The following TNK2 variants were observed in gnomAD, a reference collection of about 807,000 sequenced individuals.
TNK2 encodes the protein tyrosine kinase non receptor 2.
A neutral mutation model predicts 101.8 loss-of-function variants in TNK2; 83 were observed. The observed-to-expected ratio is 0.82, with a 90% CI of 0.68 to 0.98. TNK2 has a LOEUF of 0.98. Among genes scored for constraint, TNK2 ranks in the 50% least tolerant of loss-of-function variants. TNK2 has a pLI of 0.00. For synonymous variants in TNK2, 804 were observed against 633.0 expected, an observed-to-expected ratio of 1.27 and a Z score of -4.06; for missense variants, 1,665 against 1,483.2, an observed-to-expected ratio of 1.12 and a Z score of -2.01.
intron 1 of TNK2, among the ~76,000 whole-genome samples, chr3:195,897,113 G>A (rs1163493120): frequency 6.6e-6 from 1 of 152,202 alleles, no homozygotes; most frequent in African/African-American, 2.4e-5. Context: ...CCAGCCAGAG[G>A]ATTATCTTGC....
At chr3:195,890,883 C>G (rs945104509) in intron 1 of TNK2, among the ~76,000 whole-genome samples, 1 of 152,236 alleles carries the variant, frequency 6.6e-6, no homozygotes, top group Non-Finnish European at 1.5e-5. Flanking sequence ...AAACTCCCCT[C>G]TCGGTCAGCA....
chr3:195,867,537 TGGGGGCGGC>T lies in TNK2; in HGVS notation c.2752_2760del (p.Ala918_Pro920del), dbSNP rs1242536943. 10 of 964,700 alleles carry T rather than the reference TGGGGGCGGC, an allele frequency of 1.0e-5. No individual in the cohort carries two copies. Among genetic ancestry groups the T allele is most frequent in the African/African-American group, 2.5e-5 (1 of 40,382 alleles). The allele number at this position is 964,700 out of a possible 1,614,324, so 59.8% of individuals were successfully genotyped here. A position where few individuals can be genotyped will look rare whatever the true frequency, so the allele number is the denominator to read the frequency against. On this transcript the variant is annotated inframe_deletion, in exon 13 of 16. Coordinates refer to ENST00000672887, the MANE Select transcript of TNK2 (RefSeq NM_001382273.1). ...TGGGGCATCGGCCGCACGGTGGCCG[TGGGGGCGGC>T]GGGGGCTGGGGTGCTGGGTGGGGGC... is the stretch of plus-strand genomic sequence containing the variant.
At chr3:195,865,613 G>A (rs1467378367) in intron 15 of TNK2, among the ~76,000 whole-genome samples, 1 of 147,400 alleles carries the variant, frequency 6.8e-6, no homozygotes, top group East Asian at 2.0e-4. Flanking sequence ...CTGCGTCCCA[G>A]GTGCAAATCA....
Position 195,882,060 on chromosome 3 carries a change from G to A in TNK2, c.878C>T (p.Pro293Leu). Residue 293 changes from proline to leucine, a missense_variant, in exon 6 of 16, where the codon CCC (proline) becomes CTC (leucine). Pro to Leu is a moderately conservative substitution (Grantham distance 98). This residue lies in a region of TNK2 where 490 missense variants were observed against 522.5 expected (regional missense o/e 0.94). Transcript: ENST00000672887. The surrounding 1 kb of genome is among the most constrained non-coding windows in gnomAD (Gnocchi z 4.2). ...HYVMQEHRKV[P>L]FAWCAPESLK... is the part of the protein sequence containing the mutation. Reference sequence around the variant, plus strand: ...AGCACCTGCCCCTCACCAGGCGAAGGGCACCTTGCGATGTTCCTGCATGAC... The same window carrying A: ...AGCACCTGCCCCTCACCAGGCGAAGAGCACCTTGCGATGTTCCTGCATGAC... 6.2e-7 allele frequency: 1 copy of A among 1,608,660 alleles called. No individual in the cohort carries two copies. Among genetic ancestry groups the A allele is most frequent in the Middle Eastern group, 1.7e-4 (1 of 6,044 alleles).
rs558152550 is a variant in TNK2, at chr3:195,873,546, G to A, written c.1257-1076C>T. 5.3e-5 allele frequency among the ~76,000 whole-genome samples: 8 copies of A among 152,178 alleles called. No homozygotes were observed. In the South Asian group the frequency reaches 6.2e-4, roughly 12 times the overall value. The stretch of plus-strand genomic sequence containing the variant: ...GGGCAGAGTCTGGGCACGCGGGGGC[G>A]GTGACAGCCCAGAGCTGCTAGGGTG... On this transcript the variant is annotated intron_variant, in intron 9 of 15. Coordinates refer to ENST00000672887, the MANE Select transcript of TNK2 (RefSeq NM_001382273.1).
chr3:195,899,933 G>T (rs1440703953), intron 1 of TNK2, among the ~76,000 whole-genome samples: 1 of 152,136 alleles, frequency 6.6e-6, no homozygotes, highest in African/African-American at 2.4e-5. Context: ...CCAGGAACAA[G>T]CCTGGTTGCC....
intron 9 of TNK2, chr3:195,876,761 G>A: frequency 2.5e-6 from 1 of 405,308 alleles, no homozygotes; most frequent in Non-Finnish European, 5.0e-6. Flanking sequence ...GAAGGGCGGG[G>A]CGGGGCACAC....
chr3:195,888,260 T>TAACTTTATA lies in TNK2; in HGVS notation c.163+165_163+166insTATAAAGTT, dbSNP rs1180443340. ...CTCCTCAAACTCCAATTCACCTTTATAACTGCCAACTGTTCTCATCACACA... is the reference window on the plus strand; with the variant it reads ...CTCCTCAAACTCCAATTCACCTTTATAACTTTATAAACTGCCAACTGTTCTCATCACACA... On this transcript the variant is annotated intron_variant, in intron 2 of 15. Transcript: ENST00000672887. This position sits in a 1 kb window ranked among gnomAD's most constrained non-coding sequence, Gnocchi z 5.3. Among the ~76,000 whole-genome samples, 2 of 152,152 alleles carry TAACTTTATA rather than the reference T, an allele frequency of 1.3e-5. No homozygotes were observed. The highest frequency in any genetic ancestry group is 3.8e-4 in the East Asian group (2 of 5,196).
chr3:195,872,768 G>A (rs1208421217), intron 9 of TNK2: 2 of 375,388 alleles, frequency 5.3e-6, no homozygotes, highest in Non-Finnish European at 9.6e-6. Context: ...ACCTGTCCAC[G>A]GTTACCAGAA....
intron 4 of TNK2, 199 bp downstream of exon 4, chr3:195,884,613 C>T (rs1211072236): frequency 3.6e-6 from 2 of 552,614 alleles, no homozygotes; most frequent in Non-Finnish European, 6.3e-6. Flanking sequence ...TACTGCACTC[C>T]AGCCTGGGCG....
intron 1 of TNK2, among the ~76,000 whole-genome samples, chr3:195,890,491 C>G (rs747742065): frequency 4.1e-5 from 6 of 145,518 alleles, no homozygotes; most frequent in Non-Finnish European, 7.5e-5. Flanking sequence ...GAGTGAGACT[C>G]CCAGGCTGGA....
intron 1 of TNK2, among the ~76,000 whole-genome samples, chr3:195,905,065 C>T (rs2149879870): frequency 6.6e-6 from 1 of 152,330 alleles, no homozygotes; most frequent in South Asian, 2.1e-4. Flanking sequence ...AGTTTGAGAT[C>T]TTACCCTGAT....
intron 10 of TNK2, among the ~76,000 whole-genome samples, chr3:195,871,585 A>C (rs1036552940): frequency 6.6e-6 from 1 of 151,954 alleles, no homozygotes; most frequent in African/African-American, 2.4e-5. Context: ...TCTCCTCCTC[A>C]GCAGCTCCCA....
rs540723147 is a variant in TNK2, at chr3:195,886,643, C to T, written c.234+334G>A. Among the ~76,000 whole-genome samples, 2 of 152,174 alleles carry T rather than the reference C, an allele frequency of 1.3e-5. No individual in the cohort carries two copies. Among genetic ancestry groups the T allele is most frequent in the African/African-American group, 4.8e-5 (2 of 41,436 alleles). On this transcript the variant is annotated intron_variant, in intron 3 of 15. Coordinates refer to ENST00000672887, the MANE Select transcript of TNK2 (RefSeq NM_001382273.1). The surrounding 1 kb of genome is among the most constrained non-coding windows in gnomAD (Gnocchi z 4.2). ...GTCCAGACAGGTCCACCACCCCACGCTGGACACTGGCCCCAACGCTCAGAC... is the reference window on the plus strand; with the variant it reads ...GTCCAGACAGGTCCACCACCCCACGTTGGACACTGGCCCCAACGCTCAGAC...
intron 6 of TNK2, 101 bp from the exon 7 acceptor site, chr3:195,879,276 C>T: frequency 6.5e-7 from 1 of 1,542,740 alleles, no homozygotes; most frequent in Non-Finnish European, 8.7e-7. Context: ...GTTGTGACCC[C>T]CTGTGCCAGG....
chr3:195,892,001 C>T (rs1234931141), intron 1 of TNK2: 18 of 1,012,614 alleles, frequency 1.8e-5, no homozygotes, highest in Non-Finnish European at 2.0e-5. Flanking sequence ...GAAGGAACTC[C>T]GGGATGCTGG....
At chr3:195,879,309 G>A (rs1438435402) in intron 6 of TNK2, 134 bp from the exon 7 acceptor site, 12 of 1,373,514 alleles carry the variant, frequency 8.7e-6, no homozygotes, top group East Asian at 2.5e-5. Flanking sequence ...TCTCAGGGGC[G>A]CCGTGTGAAG....
intron 11 of TNK2, 157 bp downstream of exon 11, chr3:195,869,957 A>ACGCC (rs1239115465): frequency 6.5e-6 from 4 of 614,310 alleles, no homozygotes; most frequent in Non-Finnish European, 1.1e-5. Flanking sequence ...CTTCCACCCC[A>ACGCC]CGCCCAGCCG....
At chr3:195,874,384 C>A (rs917518356) in intron 9 of TNK2, among the ~76,000 whole-genome samples, 1 of 152,204 alleles carries the variant, frequency 6.6e-6, no homozygotes, top group African/African-American at 2.4e-5. Flanking sequence ...CAGGTATGGC[C>A]GAGGCAAGAG....
Sources: gnomAD v4.1 joint callset for allele counts (sites outside exome capture counted in the v4.1 genomes callset) on GRCh38, gnomAD v4.1.1 for gene constraint, gnomAD v4.1.1 regional missense constraint, Gnocchi (gnomAD v3.1) non-coding constraint, MANE v1.5 for transcripts, NCBI Gene and HGNC (gene_info 2026-07-23, HGNC 2026-07-21) for gene names.